Variants in NALF1 observed in about 807,000 individuals in gnomAD.
NALF1 encodes the protein family with sequence similarity 155 member A.
Under a neutral mutation model 48.4 loss-of-function variants are expected in NALF1, and 3 were observed. That is an observed-to-expected ratio of 0.06 (90% CI 0.03 to 0.16). The LOEUF (loss-of-function observed/expected upper bound fraction) is 0.16. Among genes scored for constraint, NALF1 ranks in the 10% least tolerant of loss-of-function variants. NALF1 has a pLI of 1.00. For synonymous variants in NALF1, 262 were observed against 245.7 expected, an observed-to-expected ratio of 1.07 and a Z score of -0.62; for missense variants, 526 against 571.5, an observed-to-expected ratio of 0.92 and a Z score of 0.81.
At chr13:107,715,829 T>G (rs961987300) in intron 1 of NALF1, among the ~76,000 whole-genome samples, 4 of 152,192 alleles carry the variant, frequency 2.6e-5, no homozygotes. Context: ...AACCTTTTTT[T>G]GAAATGTTTT....
chr13:107,782,866 C>T (rs1265960629), intron 1 of NALF1, among the ~76,000 whole-genome samples: 5 of 151,628 alleles, frequency 3.3e-5, no homozygotes, highest in East Asian at 4.0e-4. Context: ...GCAGCCGCCC[C>T]GTCTGGGAAG....
At position 107,636,949 on chromosome 13, in the gene NALF1, GC is replaced by G. The variant is rs1189252191; in HGVS notation, c.915+228732del. Reference sequence around the variant, plus strand: ...ATGAAGACATTTTAGTCAATAATGAGCCACATTAAGAACAGTGGTCCCATAA... The same window carrying G: ...ATGAAGACATTTTAGTCAATAATGAGCACATTAAGAACAGTGGTCCCATAA... On this transcript the variant is annotated intron_variant, in intron 1 of 2. Coordinates refer to ENST00000375915, the MANE Select transcript of NALF1 (RefSeq NM_001080396.3). Among the ~76,000 whole-genome samples, 72 of 150,620 alleles carry G rather than the reference GC, an allele frequency of 4.8e-4. 2 individuals are homozygous for G. The East Asian group carries it at 0.013, about 26-fold the overall frequency.
chr13:107,684,259 C>G (rs891611671), intron 1 of NALF1, among the ~76,000 whole-genome samples: 5 of 152,218 alleles, frequency 3.3e-5, no homozygotes, highest in African/African-American at 9.7e-5. Flanking sequence ...TCTTTCTTAT[C>G]CTTGACCTTG....
intron 1 of NALF1, among the ~76,000 whole-genome samples, chr13:107,245,571 T>TA: frequency 6.6e-6 from 1 of 152,358 alleles, no homozygotes; most frequent in South Asian, 2.1e-4. Context: ...TATACATTGA[T>TA]AGCTTAAATA....
chr13:107,616,101 G>A (rs1278604929), intron 1 of NALF1, among the ~76,000 whole-genome samples: 2 of 152,088 alleles, frequency 1.3e-5, no homozygotes, highest in Non-Finnish European at 2.9e-5. Flanking sequence ...TATTGCTGAA[G>A]ATAAAGAAGA....
At chr13:107,784,799 G>A (rs1051339257) in intron 1 of NALF1, among the ~76,000 whole-genome samples, 1 of 152,150 alleles carries the variant, frequency 6.6e-6, no homozygotes, top group Non-Finnish European at 1.5e-5. Flanking sequence ...TACACTGCTG[G>A]TGGGAATGTA....
intron 1 of NALF1, among the ~76,000 whole-genome samples, chr13:107,842,856 A>G (rs138664680): frequency 6.6e-6 from 1 of 152,216 alleles, no homozygotes; most frequent in East Asian, 1.9e-4. Flanking sequence ...TCTGGGAAGA[A>G]GACATCTGCC....
chr13:107,509,760 T>A (rs1875819078), intron 1 of NALF1, among the ~76,000 whole-genome samples: 1 of 152,168 alleles, frequency 6.6e-6, no homozygotes, highest in Non-Finnish European at 1.5e-5. Context: ...TCCTTTGAAA[T>A]TCCTGAAAGA....
At chr13:107,778,893 C>A (rs1351798100) in intron 1 of NALF1, among the ~76,000 whole-genome samples, 1 of 152,136 alleles carries the variant, frequency 6.6e-6, no homozygotes, top group Non-Finnish European at 1.5e-5. Context: ...CCTCCAAAAC[C>A]TATATGTATT....
intron 1 of NALF1, among the ~76,000 whole-genome samples, chr13:107,258,719 A>T (rs2138851934): frequency 6.6e-6 from 1 of 152,352 alleles, no homozygotes; most frequent in South Asian, 2.1e-4. Context: ...TTGACAAAAT[A>T]AAAAAGCTTC....
At chr13:107,288,512 G>T (rs1230874659) in intron 1 of NALF1, among the ~76,000 whole-genome samples, 1 of 147,590 alleles carries the variant, frequency 6.8e-6, no homozygotes, top group Non-Finnish European at 1.5e-5. Context: ...GAGCCACCGC[G>T]CCCAGCCTGA....
chr13:107,712,826 G>T (rs990162973), intron 1 of NALF1, among the ~76,000 whole-genome samples: 7 of 152,230 alleles, frequency 4.6e-5, no homozygotes, highest in Non-Finnish European at 1.0e-4. Context: ...AACAGCTGCA[G>T]TGGTTTGATT....
intron 2 of NALF1, among the ~76,000 whole-genome samples, chr13:107,175,521 T>C (rs1198512935): frequency 1.3e-5 from 2 of 152,226 alleles, no homozygotes; most frequent in Non-Finnish European, 2.9e-5. Context: ...TTCTTTTGGA[T>C]TTATGCCATA....
Position 107,319,805 on chromosome 13 carries a change from T to C in NALF1, c.916-109050A>G, listed in dbSNP as rs117282973. ...GCCTGTACATTTAGCCACTACATTCTACCTCCCCTCAGACTCCCCTGATCA... is the reference window on the plus strand; with the variant it reads ...GCCTGTACATTTAGCCACTACATTCCACCTCCCCTCAGACTCCCCTGATCA... On this transcript the variant is annotated intron_variant, in intron 1 of 2. Coordinates refer to ENST00000375915, the MANE Select transcript of NALF1 (RefSeq NM_001080396.3). 3.6e-3 allele frequency among the ~76,000 whole-genome samples: 546 copies of C among 152,210 alleles called. 1 individual carries two copies. The highest frequency in any genetic ancestry group is 6.2e-3 in the Non-Finnish European group (423 of 67,998).
intron 1 of NALF1, among the ~76,000 whole-genome samples, chr13:107,801,263 C>G (rs542751940): frequency 3.1e-4 from 47 of 152,188 alleles, no homozygotes; most frequent in Non-Finnish European, 6.6e-4. Flanking sequence ...AGAACACTGT[C>G]TCATAGCTAA....
At chr13:107,192,935 A>C (rs1865142090) in intron 2 of NALF1, among the ~76,000 whole-genome samples, 1 of 151,962 alleles carries the variant, frequency 6.6e-6, no homozygotes, top group African/African-American at 2.4e-5. Flanking sequence ...CATGGAAATA[A>C]GTATGTTTAT....
chr13:107,370,741 A>T (rs1408631904), intron 1 of NALF1, among the ~76,000 whole-genome samples: 1 of 152,154 alleles, frequency 6.6e-6, no homozygotes, highest in Non-Finnish European at 1.5e-5. Context: ...TTTATTTTAT[A>T]AAAAAAGGTT....
intron 2 of NALF1, among the ~76,000 whole-genome samples, chr13:107,206,699 C>T (rs1879651278): frequency 6.6e-6 from 1 of 152,134 alleles, no homozygotes; most frequent in Non-Finnish European, 1.5e-5. Context: ...CTCTAAGATT[C>T]TGGGTACAGA....
intron 1 of NALF1, among the ~76,000 whole-genome samples, chr13:107,261,312 GC>G (rs1180384005): frequency 6.6e-6 from 1 of 151,798 alleles, no homozygotes; most frequent in Admixed American, 6.6e-5. Context: ...CCATCTCCAC[GC>G]CCATGCACCT....
Sources: allele counts gnomAD v4.1 joint callset (sites outside exome capture counted in the v4.1 genomes callset), GRCh38; gene constraint gnomAD v4.1.1; transcripts MANE v1.5; gene names NCBI Gene and HGNC (gene_info 2026-07-23, HGNC 2026-07-21).